The following KCNQ4 variants were observed in gnomAD, a reference collection of about 807,000 sequenced individuals.
The protein encoded by KCNQ4 is potassium voltage-gated channel subfamily Q member 4.
KCNQ4 carries 31 observed loss-of-function variants against 72.6 expected under a neutral mutation model. The ratio of observed to expected loss-of-function variants is 0.43; its 90% confidence interval spans 0.32 to 0.58. The LOEUF (loss-of-function observed/expected upper bound fraction) is 0.58, where lower values mean the gene tolerates loss of function less well. Among genes scored for constraint, KCNQ4 ranks in the 20% least tolerant of loss-of-function variants. KCNQ4 has a pLI of 0.08. For missense variants in KCNQ4, 869 were observed against 962.6 expected (o/e 0.90, Z 1.29); for synonymous variants, 405 against 403.7 (o/e 1.00, Z -0.04).
At chr1:40,833,525 C>T (rs1449528645) in intron 11 of KCNQ4, among the ~76,000 whole-genome samples, 5 of 152,278 alleles carry the variant, frequency 3.3e-5, no homozygotes, top group East Asian at 1.9e-4. Context: ...TCCTAGGCCA[C>T]GGCCTAGGCA....
intron 9 of KCNQ4, among the ~76,000 whole-genome samples, chr1:40,824,723 C>G (rs950908962): frequency 1.3e-4 from 20 of 152,146 alleles, no homozygotes; most frequent in Non-Finnish European, 2.9e-5. Context: ...CTAGGAGGGA[C>G]TTAGTACTGA....
At chr1:40,836,239 CAA>C (rs1303647208) in intron 12 of KCNQ4, among the ~76,000 whole-genome samples, 2 of 152,054 alleles carry the variant, frequency 1.3e-5, no homozygotes, top group African/African-American at 4.8e-5. Flanking sequence ...ATTTTGTAGG[CAA>C]AGTTGACAGG....
intron 1 of KCNQ4, among the ~76,000 whole-genome samples, chr1:40,787,040 C>A (rs942887214): frequency 6.6e-6 from 1 of 152,096 alleles, no homozygotes; most frequent in African/African-American, 2.4e-5. Flanking sequence ...GCTAGGACCC[C>A]CTTCCCAGAG....
At chr1:40,802,028 G>A (rs1261903976) in intron 1 of KCNQ4, among the ~76,000 whole-genome samples, 1 of 152,094 alleles carries the variant, frequency 6.6e-6, no homozygotes, top group Non-Finnish European at 1.5e-5. Flanking sequence ...GGGGAAGGGG[G>A]CTTGGGACTC....
intron 1 of KCNQ4, among the ~76,000 whole-genome samples, chr1:40,799,499 C>CA (rs1647515890): frequency 6.6e-6 from 1 of 152,164 alleles, no homozygotes; most frequent in Admixed American, 6.5e-5. Context: ...TTGGTCCCCC[C>CA]ACGGTTGTTT....
chr1:40,785,707 G>A (rs1001112366), intron 1 of KCNQ4, among the ~76,000 whole-genome samples: 7 of 151,918 alleles, frequency 4.6e-5, no homozygotes, highest in African/African-American at 1.7e-4. Flanking sequence ...TCCTCTACCT[G>A]TCTTTTCCAC....
chr1:40,838,309 AG>A lies in KCNQ4; in HGVS notation c.1876del, dbSNP rs1648870154. ...TGCTTCCCAGCTGCGCCCCGTCCCC[AG>A]GTGCAGTCCATCGAGCACAAGCTGG... is the stretch of plus-strand genomic sequence containing the variant. On this transcript the variant is annotated splice_acceptor_variant, in intron 13 of 13. Transcript: ENST00000347132. LOFTEE classifies it high-confidence loss of function. 2 of 1,611,912 alleles carry A rather than the reference AG, an allele frequency of 1.2e-6. No individual in the cohort carries two copies. The highest frequency in any genetic ancestry group is 1.7e-6 in the Non-Finnish European group (2 of 1,179,570).
chr1:40,785,333 T>C (rs1317385170), intron 1 of KCNQ4, among the ~76,000 whole-genome samples: 2 of 152,292 alleles, frequency 1.3e-5, no homozygotes, highest in Non-Finnish European at 2.9e-5. Flanking sequence ...CAGATATCAG[T>C]TGAAGGGCTG....
intron 1 of KCNQ4, among the ~76,000 whole-genome samples, chr1:40,802,541 C>A (rs1228380143): frequency 6.6e-6 from 1 of 151,828 alleles, no homozygotes; most frequent in Non-Finnish European, 1.5e-5. Flanking sequence ...CCCCGGCATG[C>A]CCCGCCCATT....
intron 12 of KCNQ4, 52 bp from the exon 13 acceptor site, chr1:40,837,613 G>T (rs1256095078): frequency 6.3e-7 from 1 of 1,590,250 alleles, no homozygotes; most frequent in African/African-American, 1.4e-5. Context: ...AATTCTTGTG[G>T]AAGGGAGGGA....
At chr1:40,787,600 T>C (rs991746637) in intron 1 of KCNQ4, among the ~76,000 whole-genome samples, 5 of 152,146 alleles carry the variant, frequency 3.3e-5, no homozygotes, top group Non-Finnish European at 5.9e-5. Context: ...TGCTGACTCC[T>C]GTCTTCTCCT....
At chr1:40,831,371 G>T (rs1648642872) in intron 10 of KCNQ4, 67 bp downstream of exon 10, 1 of 1,347,226 alleles carries the variant, frequency 7.4e-7, no homozygotes, top group Non-Finnish European at 1.0e-6. Flanking sequence ...GACAGTCTGG[G>T]CTGGGAGCAG....
chr1:40,829,997 C>T (rs951920672), intron 9 of KCNQ4, among the ~76,000 whole-genome samples: 1 of 152,216 alleles, frequency 6.6e-6, no homozygotes, highest in Admixed American at 6.5e-5. Flanking sequence ...TTTCCTCCAA[C>T]GTTTGGGGAA....
At chr1:40,812,253 A>G (rs1647950861) in intron 1 of KCNQ4, among the ~76,000 whole-genome samples, 1 of 152,126 alleles carries the variant, frequency 6.6e-6, no homozygotes, top group South Asian at 2.1e-4. Context: ...TGCCTGGAAC[A>G]CAGGATCTTT....
intron 1 of KCNQ4, among the ~76,000 whole-genome samples, chr1:40,802,803 C>A (rs1647624729): frequency 6.6e-6 from 1 of 152,196 alleles, no homozygotes; most frequent in Non-Finnish European, 1.5e-5. Context: ...CCAGGGGAGA[C>A]CCCTGCCTCC....
At position 40,838,467 on chromosome 1, in the gene KCNQ4, T is replaced by C. The variant is rs746444992; in HGVS notation, c.2032T>C (p.Ser678Pro). Residue 678 changes from serine (S) to proline (P), a missense_variant, in exon 14 of 14, where the codon TCC (serine) becomes CCC (proline). By Grantham distance (74) the Ser-to-Pro change is moderately conservative (BLOSUM62 -1). This residue lies in a region of KCNQ4 where 480 missense variants were observed against 501.9 expected (regional missense o/e 0.96). Transcript: ENST00000347132. Reference sequence around the variant, plus strand: ...CAGCCCTGTGGACCACGAGGACATCTCCGTCTCCGCACAGACGCTCAGCAT... The same window carrying C: ...CAGCCCTGTGGACCACGAGGACATCCCCGTCTCCGCACAGACGCTCAGCAT... Reference protein sequence around the residue: ...YHSPVDHEDISVSAQTLSISR... With the variant: ...YHSPVDHEDIPVSAQTLSISR... 13 of 1,614,004 alleles carry C rather than the reference T, an allele frequency of 8.1e-6. No homozygotes were observed. In the East Asian group the frequency reaches 2.5e-4, roughly 30 times the overall value.
chr1:40,818,744 G>T (rs1648181670), intron 4 of KCNQ4, 64 bp downstream of exon 4: 1 of 1,510,482 alleles, frequency 6.6e-7, no homozygotes, highest in South Asian at 1.2e-5. Context: ...AGAGCGGGCA[G>T]GGCGGAGAGG....
intron 9 of KCNQ4, among the ~76,000 whole-genome samples, chr1:40,828,689 C>G (rs1648554596): frequency 6.6e-6 from 1 of 152,180 alleles, no homozygotes; most frequent in Non-Finnish European, 1.5e-5. Context: ...AGAACTAAGG[C>G]AGCCTGATGG....
chr1:40,805,118 G>A (rs1647717807), intron 1 of KCNQ4: 1 of 152,034 alleles, frequency 6.6e-6, no homozygotes, highest in South Asian at 2.1e-4. Context: ...TCCAGCCTGG[G>A]CAACATAACA....
Sources: allele counts gnomAD v4.1 joint callset (sites outside exome capture counted in the v4.1 genomes callset), GRCh38; gene constraint gnomAD v4.1.1; regional missense constraint gnomAD v4.1.1; transcripts MANE v1.5; gene names NCBI Gene and HGNC (gene_info 2026-07-23, HGNC 2026-07-21).